Variants in CPVL observed in about 807,000 individuals in gnomAD.
CPVL encodes the protein carboxypeptidase vitellogenic like, also known as probable serine carboxypeptidase CPVL.
A neutral mutation model predicts 63.7 loss-of-function variants in CPVL; 51 were observed. The observed-to-expected ratio is 0.80, with a 90% CI of 0.64 to 1.01. The LOEUF (loss-of-function observed/expected upper bound fraction) is 1.01. CPVL is among the 50% of genes least tolerant of loss of function. The pLI, the probability that CPVL is intolerant of heterozygous loss-of-function variation, is 0.00. For missense variants in CPVL, 530 were observed against 573.1 expected (o/e 0.92, Z 0.77); for synonymous variants, 195 against 206.0 (o/e 0.95, Z 0.46).
At chr7:29,050,925 T>C (rs572099201) in intron 11 of CPVL, among the ~76,000 whole-genome samples, 3 of 152,012 alleles carry the variant, frequency 2.0e-5, no homozygotes, top group African/African-American at 4.8e-5. Context: ...TGGAACAGAA[T>C]AGAGAACCCA....
intron 3 of CPVL, among the ~76,000 whole-genome samples, chr7:29,102,740 C>G (rs549251780): frequency 6.6e-6 from 1 of 152,020 alleles, no homozygotes; most frequent in Non-Finnish European, 1.5e-5. Flanking sequence ...ATTCTTCTGG[C>G]GACCCCTGGT....
intron 5 of CPVL, among the ~76,000 whole-genome samples, chr7:29,167,929 G>T (rs1458481448): frequency 6.6e-6 from 1 of 152,154 alleles, no homozygotes; most frequent in South Asian, 2.1e-4. Flanking sequence ...TGACAAGGAG[G>T]CCTACAACAT....
At chr7:29,061,848 A>G (rs1791316276) in intron 11 of CPVL, among the ~76,000 whole-genome samples, 1 of 151,716 alleles carries the variant, frequency 6.6e-6, no homozygotes, top group Admixed American at 6.6e-5. Flanking sequence ...TGAGAGGCTG[A>G]GGCAGGAGAA....
intron 1 of CPVL, chr7:29,194,721 C>T: frequency 2.4e-6 from 1 of 424,666 alleles, no homozygotes; most frequent in Non-Finnish European, 4.1e-6. Context: ...CGTGCAAAGG[C>T]GCGGAGCGGG....
chr7:29,072,275 AT>A, intron 8 of CPVL, 25 bp downstream of exon 8: 1 of 1,613,358 alleles, frequency 6.2e-7, no homozygotes, highest in Non-Finnish European at 8.5e-7. Context: ...AAGAGACAAA[AT>A]AGAAAGTCAG....
chr7:29,095,402 C>A (rs1469971020), intron 4 of CPVL, among the ~76,000 whole-genome samples: 3 of 152,114 alleles, frequency 2.0e-5, no homozygotes, highest in Non-Finnish European at 2.9e-5. Flanking sequence ...AAGCTTGGAA[C>A]AAAGCTGGTT....
intron 11 of CPVL, among the ~76,000 whole-genome samples, chr7:29,052,140 G>A (rs1010038446): frequency 4.0e-5 from 6 of 151,756 alleles, no homozygotes; most frequent in African/African-American, 1.5e-4. Context: ...TGGACTTTGG[G>A]GGAAGATGGG....
chr7:29,086,417 T>C (rs1785208962), intron 7 of CPVL, 67 bp downstream of exon 7: 1 of 1,107,058 alleles, frequency 9.0e-7, no homozygotes, highest in East Asian at 2.4e-5. Flanking sequence ...ATGAACAAAC[T>C]ACACTCATAA....
chr7:29,146,980 C>T (rs1019835322), upstream of CPVL: 27 of 1,550,750 alleles, frequency 1.7e-5, 1 homozygote, highest in Non-Finnish European at 2.3e-5. Flanking sequence ...CACCAAGTGC[C>T]ACTGTCCTGC....
At chr7:29,101,581 C>T (rs190931052) in intron 3 of CPVL, among the ~76,000 whole-genome samples, 2 of 152,174 alleles carry the variant, frequency 1.3e-5, no homozygotes, top group South Asian at 2.1e-4. Context: ...GGCGACAGAG[C>T]GAGACTCCGT....
chr7:29,034,817 G>A (rs1261575623), intron 11 of CPVL, among the ~76,000 whole-genome samples: 4 of 143,200 alleles, frequency 2.8e-5, no homozygotes, highest in Non-Finnish European at 6.0e-5. Context: ...TTACAGGCAT[G>A]AGCCACTGCA....
chr7:29,128,438 C>T (rs1016816954), intron 1 of CPVL, among the ~76,000 whole-genome samples: 1 of 151,942 alleles, frequency 6.6e-6, no homozygotes, highest in East Asian at 1.9e-4. Flanking sequence ...TCTCTGGGCC[C>T]GGCATGATGG....
At chr7:29,053,635 G>A (rs1790419166) in intron 11 of CPVL, among the ~76,000 whole-genome samples, 1 of 152,158 alleles carries the variant, frequency 6.6e-6, no homozygotes, top group African/African-American at 2.4e-5. Context: ...TCTTTCAGAT[G>A]TGATGAAGAT....
chr7:29,093,228 T>G (rs1273410852), intron 5 of CPVL, among the ~76,000 whole-genome samples: 6 of 151,508 alleles, frequency 4.0e-5, no homozygotes, highest in Non-Finnish European at 2.9e-5. Context: ...AATACGAAAA[T>G]TAGCCGGGCA....
At chr7:29,000,545 G>A (rs952017344) in intron 12 of CPVL, among the ~76,000 whole-genome samples, 4 of 152,222 alleles carry the variant, frequency 2.6e-5, no homozygotes, top group South Asian at 2.1e-4. Flanking sequence ...AGCTGCGGGC[G>A]CATGCAGCAG....
At chr7:29,070,721 G>A (rs1041977351) in intron 9 of CPVL, among the ~76,000 whole-genome samples, 8 of 152,200 alleles carry the variant, frequency 5.3e-5, no homozygotes, top group Non-Finnish European at 1.0e-4. Context: ...CATTTGCACA[G>A]CTAGCTGCTA....
chr7:29,076,357 T>C (rs1584188952), intron 7 of CPVL, among the ~76,000 whole-genome samples: 1 of 152,118 alleles, frequency 6.6e-6, no homozygotes, highest in Non-Finnish European at 1.5e-5. Context: ...GCCCCTGAGG[T>C]CTGTGAATTA....
intron 11 of CPVL, among the ~76,000 whole-genome samples, chr7:29,037,389 T>C (rs1002649238): frequency 6.8e-6 from 1 of 146,902 alleles, no homozygotes; most frequent in Non-Finnish European, 1.5e-5. Flanking sequence ...CTAAAATAAA[T>C]ACAAAAAAAA....
chr7:29,064,212 T>A lies in CPVL; in HGVS notation c.986A>T (p.Tyr329Phe). 1 of 1,612,812 alleles carries A rather than the reference T, an allele frequency of 6.2e-7. No individual in the cohort carries two copies. The change falls in exon 11 of 13, where the codon TAT becomes TTT. Residue 329 changes from tyrosine (Y) to phenylalanine (F), a missense_variant. Transcript: ENST00000265394. ...CTCTGGGAGTGACAAAAATTTCACA[T>A]AGTAAAGCTGATCCTCAGGTTCCTG... ...RCTEPEDQLY[Y>F]VKFLSLPEVR... is the part of the protein sequence containing the mutation.
Sources: gnomAD v4.1 joint callset for allele counts (sites outside exome capture counted in the v4.1 genomes callset) on GRCh38, gnomAD v4.1.1 for gene constraint, MANE v1.5 for transcripts, NCBI Gene and HGNC (gene_info 2026-07-23, HGNC 2026-07-21) for gene names.